Variants in GXYLT2 observed in about 807,000 individuals in gnomAD.
GXYLT2 encodes the protein glycosyltransferase 8 domain containing 4.
GXYLT2 carries 53 observed loss-of-function variants against 45.8 expected under a neutral mutation model. That is an observed-to-expected ratio of 1.16 (90% CI 0.93 to 1.46). The LOEUF (loss-of-function observed/expected upper bound fraction) is 1.46, where lower values mean the gene tolerates loss of function less well. GXYLT2 is among the 40% of genes most tolerant of loss of function. The pLI is 0.00. For synonymous variants in GXYLT2, 219 were observed against 214.2 expected (o/e 1.02, Z -0.19); for missense variants, 551 against 544.4 (o/e 1.01, Z -0.12).
intron 3 of GXYLT2, among the ~76,000 whole-genome samples, chr3:72,940,861 T>G (rs72881990): frequency 0.016 from 2,449 of 152,240 alleles, 56 homozygotes; most frequent in African/African-American, 0.056. Context: ...TTTTAATTTT[T>G]TGTAAAGATT....
intron 3 of GXYLT2, among the ~76,000 whole-genome samples, chr3:72,927,478 C>G (rs1709940871): frequency 6.6e-6 from 1 of 152,136 alleles, no homozygotes; most frequent in Admixed American, 6.6e-5. Flanking sequence ...ATGATGTCTT[C>G]ATGAGTTAGC....
chr3:72,890,570 T>A (rs1709163836), intron 1 of GXYLT2, among the ~76,000 whole-genome samples: 1 of 152,260 alleles, frequency 6.6e-6, no homozygotes, highest in Non-Finnish European at 1.5e-5. Flanking sequence ...GCTATGCTGA[T>A]GTCAGGCCAT....
chr3:72,940,212 AACATTTAC>A (rs1710274716), intron 3 of GXYLT2, among the ~76,000 whole-genome samples: 1 of 152,176 alleles, frequency 6.6e-6, no homozygotes, highest in South Asian at 2.1e-4. Context: ...TGTGTTTATA[AACATTTAC>A]ACATACAACC....
chr3:72,959,734 A>T (rs1710733415), intron 5 of GXYLT2, among the ~76,000 whole-genome samples: 1 of 151,176 alleles, frequency 6.6e-6, no homozygotes, highest in Admixed American at 6.6e-5. Flanking sequence ...CCCCAGGTTC[A>T]AGCAATTCTC....
At chr3:72,929,014 C>T (rs943535294) in intron 3 of GXYLT2, 5 of 1,340,684 alleles carry the variant, frequency 3.7e-6, no homozygotes, top group Non-Finnish European at 5.3e-6. Flanking sequence ...CGCCGCGCAG[C>T]CACCGCCGCC....
chr3:72,897,409 C>A (rs13090900), intron 1 of GXYLT2, among the ~76,000 whole-genome samples: 39,804 of 151,974 alleles, frequency 0.26, 6,009 homozygotes, highest in Non-Finnish European at 0.34. Context: ...TCTGGTAGCC[C>A]CTAAGGGAAA....
In GXYLT2 at chr3:72,922,231, A is replaced by G. The variant is rs777227992; in HGVS notation, c.496A>G (p.Lys166Glu). Residue 166 changes from lysine (K) to glutamate (E), a missense_variant, in exon 3 of 7, where the codon AAG becomes GAG. Lys to Glu is a moderately conservative substitution (Grantham distance 56). Transcript: ENST00000389617. ...ACGCCAGTGGCCTGACTCATATACA[A>G]AGAAGTTTGAGCACAGAATCTACCC... ...QLRQWPDSYT[K>E]KFEHRIYPIT... The G allele has an allele frequency of 1.2e-6, 2 of 1,613,612 alleles. No individual in the cohort carries two copies. The highest frequency in any genetic ancestry group is 2.2e-5 in the South Asian group (2 of 91,044).
chr3:72,948,479 A>G (rs1710454263), intron 3 of GXYLT2, among the ~76,000 whole-genome samples: 1 of 152,200 alleles, frequency 6.6e-6, no homozygotes. Context: ...AAAATTCCAA[A>G]TATTTGGAAA....
intron 1 of GXYLT2, among the ~76,000 whole-genome samples, chr3:72,891,031 G>A (rs753690315): frequency 9.9e-5 from 15 of 152,166 alleles, no homozygotes; most frequent in Admixed American, 3.9e-4. Flanking sequence ...GAGGGAGCAG[G>A]AGGAAAGATC....
At chr3:72,961,505 T>A (rs1460629879) in intron 5 of GXYLT2, among the ~76,000 whole-genome samples, 1 of 152,006 alleles carries the variant, frequency 6.6e-6, no homozygotes, top group Non-Finnish European at 1.5e-5. Context: ...GATCTTTGCT[T>A]CTCTCCGTGC....
chr3:72,936,655 CA>C (rs1321896931), intron 3 of GXYLT2, among the ~76,000 whole-genome samples: 6 of 78,066 alleles, frequency 7.7e-5, no homozygotes, highest in Admixed American at 1.3e-4. Context: ...ACAACAACAA[CA>C]AAAAAACAAC....
rs1575819172 is a variant in GXYLT2, at chr3:72,968,690, G to A, written c.1149+971G>A. The stretch of plus-strand genomic sequence containing the variant: ...TGCCTGTAATCCCAGCACTTGGGGA[G>A]GCCAAGGCAGGTGGATCACGAGGTC... On this transcript the variant is annotated intron_variant, in intron 6 of 6. Transcript: ENST00000389617. 2.0e-5 allele frequency among the ~76,000 whole-genome samples: 3 copies of A among 152,218 alleles called. No homozygotes were observed. The South Asian group carries it at 6.2e-4, about 31-fold the overall frequency.
Position 72,974,981 on chromosome 3 carries a change from C to A in GXYLT2, c.1154C>A (p.Pro385His). Residue 385 changes from proline (P) to histidine (H), a missense_variant, in exon 7 of 7, where the codon CCC becomes CAC. Pro to His is a moderately conservative substitution (Grantham distance 77). Coordinates refer to ENST00000389617, the MANE Select transcript of GXYLT2 (RefSeq NM_001080393.2). ...TTTTTTTTTGTCATCTTTCAGTTTC[C>A]CTTTCAAGACAATCTCTTTCAATCC... is the stretch of plus-strand genomic sequence containing the variant. ...RALYEAIRDF[P>H]FQDNLFQSMY... 6.5e-7 allele frequency: 1 copy of A among 1,531,562 alleles called. No individual in the cohort carries two copies. Among genetic ancestry groups the A allele is most frequent in the East Asian group, 2.3e-5 (1 of 42,726 alleles). 94.9% of individuals were successfully genotyped at this position (1,531,562 alleles called of 1,614,324 possible).
At chr3:72,928,951 G>A (rs115736530) in intron 3 of GXYLT2, 2 of 782,462 alleles carry the variant, frequency 2.6e-6, no homozygotes, top group Admixed American at 4.1e-5. Context: ...CCAGTCCTCC[G>A]TCACCACTTC....
In GXYLT2 at chr3:72,955,148, C is replaced by G; in HGVS notation, c.651C>G (p.Leu217=). ...TTCTCTACGTGGACACCGATGTCCT[C>G]TTTCTGAGACCTGTTGATGACATCT... ...DSLLYVDTDV[L]FLRPVDDIWK... Residue 217 remains leucine, a synonymous_variant, in exon 4 of 7, where the codon CTC becomes CTG. Transcript: ENST00000389617. The G allele has an allele frequency of 6.2e-7, 1 of 1,614,026 alleles. No individual in the cohort carries two copies. Among genetic ancestry groups the G allele is most frequent in the Non-Finnish European group, 8.5e-7 (1 of 1,179,892 alleles).
chr3:72,935,162 A>G (rs1267707846), intron 3 of GXYLT2, among the ~76,000 whole-genome samples: 1 of 152,222 alleles, frequency 6.6e-6, no homozygotes, highest in African/African-American at 2.4e-5. Flanking sequence ...TCCTAGAGGA[A>G]TAAAATAAAA....
chr3:72,924,216 T>G (rs1280277374), intron 3 of GXYLT2, among the ~76,000 whole-genome samples: 1 of 145,358 alleles, frequency 6.9e-6, no homozygotes, highest in African/African-American at 2.6e-5. Context: ...TTTTAAGAGA[T>G]AAGGTCACTC....
At position 72,908,433 on chromosome 3, in the gene GXYLT2, G is replaced by T; in HGVS notation, c.342G>T (p.Val114=). The change falls in exon 2 of 7, where the codon GTG becomes GTT. Residue 114 remains valine, a synonymous_variant. Coordinates refer to ENST00000389617, the MANE Select transcript of GXYLT2 (RefSeq NM_001080393.2). ...LPPELWIHLA[V]VACGNRLEET... is the part of the protein sequence containing the mutation. Reference sequence around the variant, plus strand: ...CCGAGCTCTGGATCCACCTGGCTGTGGTGGCCTGTGGCAATCGGCTGGAGG... The same window carrying T: ...CCGAGCTCTGGATCCACCTGGCTGTTGTGGCCTGTGGCAATCGGCTGGAGG... 6.2e-7 allele frequency: 1 copy of T among 1,613,948 alleles called. No homozygotes were observed. Among genetic ancestry groups the T allele is most frequent in the Non-Finnish European group, 8.5e-7 (1 of 1,179,886 alleles).
chr3:72,904,421 T>C (rs973939872), intron 1 of GXYLT2, among the ~76,000 whole-genome samples: 6 of 152,150 alleles, frequency 3.9e-5, no homozygotes, highest in Non-Finnish European at 5.9e-5. Flanking sequence ...TGAGAAGTAA[T>C]AGGGTGAGGC....
Sources: gnomAD v4.1 joint callset for allele counts (sites outside exome capture counted in the v4.1 genomes callset) on GRCh38, gnomAD v4.1.1 for gene constraint, MANE v1.5 for transcripts, NCBI Gene and HGNC (gene_info 2026-07-23, HGNC 2026-07-21) for gene names.